Variants in ZNF804B observed in about 807,000 individuals in gnomAD.
ZNF804B encodes the protein zinc finger 804B.
A neutral mutation model predicts 101.4 loss-of-function variants in ZNF804B; 80 were observed. That is an observed-to-expected ratio of 0.79 (90% CI 0.66 to 0.95). The LOEUF (loss-of-function observed/expected upper bound fraction) is 0.95. Among genes scored for constraint, ZNF804B ranks in the 40% least tolerant of loss-of-function variants. ZNF804B has a pLI of 0.00. For missense variants in ZNF804B, 1,673 were observed against 1,561.9 expected (o/e 1.07, Z -1.20); for synonymous variants, 622 against 558.8 (o/e 1.11, Z -1.59).
At chr7:89,325,408 C>T (rs1790882443) in intron 2 of ZNF804B, among the ~76,000 whole-genome samples, 1 of 151,946 alleles carries the variant, frequency 6.6e-6, no homozygotes. Flanking sequence ...CACTATCTTA[C>T]AGAAGTGTAA....
intron 1 of ZNF804B, among the ~76,000 whole-genome samples, chr7:89,138,148 A>C (rs539033421): frequency 3.3e-5 from 5 of 152,246 alleles, no homozygotes; most frequent in African/African-American, 1.2e-4. Context: ...CTGTAGGGGC[A>C]GGGCTTTCAT....
At chr7:89,248,053 GA>G (rs954814026) in intron 2 of ZNF804B, among the ~76,000 whole-genome samples, 2 of 151,060 alleles carry the variant, frequency 1.3e-5, no homozygotes, top group African/African-American at 4.8e-5. Flanking sequence ...CCAAAATAAA[GA>G]AAAAAAAAGT....
intron 2 of ZNF804B, among the ~76,000 whole-genome samples, chr7:89,294,995 G>A (rs1562939427): frequency 6.6e-6 from 1 of 152,050 alleles, no homozygotes; most frequent in Admixed American, 6.5e-5. Flanking sequence ...GGACTTTCAT[G>A]ATACTAGTTT....
intron 1 of ZNF804B, among the ~76,000 whole-genome samples, chr7:89,007,446 TTATATATATATATA>T (rs61374091): frequency 0.01 from 599 of 57,206 alleles, 21 homozygotes; most frequent in South Asian, 0.045. Context: ...ATCCATGATT[TTATATATATATATA>T]TATATATATA....
intron 2 of ZNF804B, among the ~76,000 whole-genome samples, chr7:89,266,848 A>G (rs376666875): frequency 8.9e-4 from 111 of 124,392 alleles, no homozygotes; most frequent in African/African-American, 3.7e-3. Flanking sequence ...GGCTCCAAAA[A>G]CTTAGTACTA....
intron 2 of ZNF804B, among the ~76,000 whole-genome samples, chr7:89,255,814 A>G (rs900742222): frequency 1.3e-5 from 2 of 152,224 alleles, no homozygotes; most frequent in African/African-American, 2.4e-5. Flanking sequence ...AATATTTACA[A>G]CTGTCAGAGA....
chr7:89,000,211 CAAGGT>C (rs1788263032), intron 1 of ZNF804B, among the ~76,000 whole-genome samples: 2 of 151,824 alleles, frequency 1.3e-5, no homozygotes, highest in Non-Finnish European at 2.9e-5. Flanking sequence ...CACAAACAAA[CAAGGT>C]AGAGAATTTT....
chr7:88,913,106 A>G (rs1220412097), intron 1 of ZNF804B, among the ~76,000 whole-genome samples: 1 of 152,208 alleles, frequency 6.6e-6, no homozygotes. Flanking sequence ...GTGGGTTCAC[A>G]GACTGGCAAA....
chr7:89,114,745 T>G (rs371981010), intron 1 of ZNF804B, among the ~76,000 whole-genome samples: 3 of 152,092 alleles, frequency 2.0e-5, no homozygotes, highest in East Asian at 1.9e-4. Flanking sequence ...GAGGGAAGAA[T>G]AGTAGGCTAT....
At chr7:89,085,154 T>C (rs2116317758) in intron 1 of ZNF804B, among the ~76,000 whole-genome samples, 1 of 151,736 alleles carries the variant, frequency 6.6e-6, no homozygotes, top group East Asian at 1.9e-4. Context: ...AAATCAAAGC[T>C]CTTTTGAAAA....
chr7:88,776,329 G>T (rs1790138594), intron 1 of ZNF804B, among the ~76,000 whole-genome samples: 1 of 152,096 alleles, frequency 6.6e-6, no homozygotes, highest in Admixed American at 6.6e-5. Flanking sequence ...TGCTCTTCTG[G>T]ATGGCCCTAT....
Position 89,336,337 on chromosome 7 carries a change from G to A in ZNF804B, c.3355G>A (p.Asp1119Asn). ...HVEGNINSYYDRTMQKPDKVE... is the reference protein window; with the variant it reads ...HVEGNINSYYNRTMQKPDKVE... Reference sequence around the variant, plus strand: ...AGAGGGAAATATAAACTCTTACTATGACAGAACTATGCAGAAACCTGACAA... The same window carrying A: ...AGAGGGAAATATAAACTCTTACTATAACAGAACTATGCAGAAACCTGACAA... The change falls in exon 4 of 4, where the codon GAC becomes AAC. Residue 1119 changes from aspartate (D) to asparagine (N), a missense_variant. Coordinates refer to ENST00000333190, the MANE Select transcript of ZNF804B (RefSeq NM_181646.5). 1 of 1,613,934 alleles carries A rather than the reference G, an allele frequency of 6.2e-7. No individual in the cohort carries two copies. Among genetic ancestry groups the A allele is most frequent in the Non-Finnish European group, 8.5e-7 (1 of 1,180,006 alleles).
intron 1 of ZNF804B, among the ~76,000 whole-genome samples, chr7:89,133,610 A>G (rs370187223): frequency 1.3e-5 from 2 of 152,174 alleles, no homozygotes; most frequent in African/African-American, 4.8e-5. Flanking sequence ...GTTCCATACA[A>G]AAGTCACTTA....
At chr7:89,318,621 C>T (rs801824) in intron 2 of ZNF804B, among the ~76,000 whole-genome samples, 2 of 152,020 alleles carry the variant, frequency 1.3e-5, no homozygotes, top group Non-Finnish European at 2.9e-5. Context: ...AAATTAACCG[C>T]GTGTGGTGGC....
At chr7:89,207,799 AATTC>A (rs546336986) in intron 1 of ZNF804B, among the ~76,000 whole-genome samples, 167 of 152,332 alleles carry the variant, frequency 1.1e-3, no homozygotes, top group Non-Finnish European at 1.8e-3. Context: ...TACATTTATT[AATTC>A]ATGTATTCTT....
intron 1 of ZNF804B, among the ~76,000 whole-genome samples, chr7:88,776,073 C>G (rs1057318831): frequency 6.6e-6 from 1 of 152,146 alleles, no homozygotes; most frequent in Admixed American, 6.5e-5. Context: ...TCACCATTAT[C>G]AGGCTCAGGT....
chr7:89,117,633 T>C (rs2116361378), intron 1 of ZNF804B, among the ~76,000 whole-genome samples: 1 of 152,302 alleles, frequency 6.6e-6, no homozygotes, highest in East Asian at 1.9e-4. Context: ...TTGTGATGCC[T>C]TTTTAGCCAT....
chr7:88,897,612 C>A (rs911855095), intron 1 of ZNF804B, among the ~76,000 whole-genome samples: 14 of 152,124 alleles, frequency 9.2e-5, no homozygotes, highest in African/African-American at 2.9e-4. Flanking sequence ...GATTGGAACT[C>A]GGATTCCTCA....
intron 2 of ZNF804B, among the ~76,000 whole-genome samples, chr7:89,223,375 G>A (rs956546436): frequency 6.6e-6 from 1 of 151,738 alleles, no homozygotes; most frequent in African/African-American, 2.4e-5. Flanking sequence ...TAATTACTCA[G>A]GATCCCACCG....
Sources: gnomAD v4.1 joint callset for allele counts (sites outside exome capture counted in the v4.1 genomes callset) on GRCh38, gnomAD v4.1.1 for gene constraint, MANE v1.5 for transcripts, NCBI Gene and HGNC (gene_info 2026-07-23, HGNC 2026-07-21) for gene names.